The following CDH8 variants were observed in gnomAD, a reference collection of about 807,000 sequenced individuals.
The protein encoded by CDH8 is cadherin-8.
Under a neutral mutation model 68.1 loss-of-function variants are expected in CDH8, and 17 were observed. That is an observed-to-expected ratio of 0.25 (90% CI 0.17 to 0.37). The LOEUF (loss-of-function observed/expected upper bound fraction) is 0.37, where lower values mean the gene tolerates loss of function less well. CDH8 is among the 10% of genes least tolerant of loss of function. The pLI is 1.00. For synonymous variants in CDH8, 372 were observed against 365.1 expected, an observed-to-expected ratio of 1.02 and a Z score of -0.21; for missense variants, 763 against 999.3, an observed-to-expected ratio of 0.76 and a Z score of 3.19.
chr16:61,749,588 G>A (rs1056230788), intron 8 of CDH8, among the ~76,000 whole-genome samples: 1 of 152,020 alleles, frequency 6.6e-6, no homozygotes, highest in African/African-American at 2.4e-5. Context: ...AACAGCACCT[G>A]TTATCCTAAA....
chr16:61,790,257 T>G (rs963533107), intron 7 of CDH8, among the ~76,000 whole-genome samples: 13 of 152,052 alleles, frequency 8.5e-5, no homozygotes, highest in Non-Finnish European at 1.5e-4. Context: ...AAACTGCTTC[T>G]CAGGACCACT....
Position 61,652,173 on chromosome 16 carries a change from G to T in CDH8, c.*1435C>A. 1.0e-6 allele frequency: 1 copy of T among 981,796 alleles called. No homozygotes were observed. The highest frequency in any genetic ancestry group is 1.2e-6 in the Non-Finnish European group (1 of 826,736). 60.8% of individuals were successfully genotyped at this position (981,796 alleles called of 1,614,324 possible). On this transcript the variant is annotated 3_prime_UTR_variant, in exon 12 of 12. Coordinates refer to ENST00000577390, the MANE Select transcript of CDH8 (RefSeq NM_001796.5). ...ATCATACATTTTCTACTCCTAAATG[G>T]CAGGTTTGCATTACAAATTAAATAT...
chr16:61,771,392 C>A (rs1453053719), intron 8 of CDH8, among the ~76,000 whole-genome samples: 2 of 143,656 alleles, frequency 1.4e-5, no homozygotes, highest in African/African-American at 5.2e-5. Flanking sequence ...TCCAGAGATA[C>A]TCAAATATGA....
intron 4 of CDH8, among the ~76,000 whole-genome samples, chr16:61,845,263 A>G (rs1322493542): frequency 6.6e-6 from 1 of 152,164 alleles, no homozygotes; most frequent in African/African-American, 2.4e-5. Context: ...ATTTATTATT[A>G]TCTTCATTTA....
In CDH8 at chr16:61,899,831, GACACACAC is replaced by G. The variant is rs35171683; in HGVS notation, c.547+1340_547+1347del. ...TAATTTCCATCAGGAATGTTATAAA[GACACACAC>G]ACACACACACACACACACACACACA... On this transcript the variant is annotated intron_variant, in intron 3 of 11. Coordinates refer to ENST00000577390, the MANE Select transcript of CDH8 (RefSeq NM_001796.5). 8.0e-3 allele frequency among the ~76,000 whole-genome samples: 1,180 copies of G among 147,330 alleles called. 11 individuals are homozygous for G. The highest frequency in any genetic ancestry group is 0.016 in the African/African-American group (652 of 39,986).
intron 10 of CDH8, among the ~76,000 whole-genome samples, chr16:61,663,203 C>G (rs376172710): frequency 6.6e-6 from 1 of 151,938 alleles, no homozygotes; most frequent in African/African-American, 2.4e-5. Context: ...TTTTCAAGTA[C>G]GTAGACTTGC....
intron 1 of CDH8, among the ~76,000 whole-genome samples, chr16:62,028,792 C>A (rs1305984527): frequency 6.6e-6 from 1 of 151,602 alleles, no homozygotes; most frequent in Non-Finnish European, 1.5e-5. Flanking sequence ...GTTACAGACA[C>A]AGTGGTGGCC....
At chr16:61,735,918 C>T (rs867284751) in intron 8 of CDH8, among the ~76,000 whole-genome samples, 4 of 151,708 alleles carry the variant, frequency 2.6e-5, no homozygotes, top group Admixed American at 1.3e-4. Context: ...ACTAAAAATA[C>T]AAAAATTAGC....
chr16:61,888,397 G>A (rs1963715404), intron 3 of CDH8, among the ~76,000 whole-genome samples: 2 of 152,126 alleles, frequency 1.3e-5, no homozygotes, highest in South Asian at 4.1e-4. Context: ...ATCCCCAGAA[G>A]CAGAAGCAAC....
intron 4 of CDH8, among the ~76,000 whole-genome samples, chr16:61,850,690 A>C (rs1381043837): frequency 1.3e-5 from 2 of 152,050 alleles, no homozygotes; most frequent in East Asian, 3.9e-4. Context: ...TGATTTCCTC[A>C]TGCCAAAAGA....
Position 61,651,986 on chromosome 16 carries a change from G to T in CDH8, c.*1622C>A. The T allele has an allele frequency of 1.5e-6, 1 of 684,522 alleles. No homozygotes were observed. The highest frequency in any genetic ancestry group is 1.8e-6 in the Non-Finnish European group (1 of 556,802). The allele number at this position is 684,522 out of a possible 1,614,324, so 42.4% of individuals were successfully genotyped here. On this transcript the variant is annotated 3_prime_UTR_variant, in exon 12 of 12. Transcript: ENST00000577390. ...TCTGTTAATAGATCTTCCACTGATT[G>T]AAAAAAAAATTAATGACAACAAAGG...
At chr16:61,788,965 G>C (rs1390839903) in intron 8 of CDH8, among the ~76,000 whole-genome samples, 1 of 151,908 alleles carries the variant, frequency 6.6e-6, no homozygotes, top group Non-Finnish European at 1.5e-5. Flanking sequence ...TTAAATATGT[G>C]TTTCTATATT....
At chr16:61,930,995 C>G (rs561818210) in intron 2 of CDH8, among the ~76,000 whole-genome samples, 1 of 152,270 alleles carries the variant, frequency 6.6e-6, no homozygotes, top group East Asian at 1.9e-4. Flanking sequence ...GCTCATTTAG[C>G]CACATTATCA....
At chr16:61,694,311 T>A (rs1217218846) in intron 10 of CDH8, among the ~76,000 whole-genome samples, 3 of 152,192 alleles carry the variant, frequency 2.0e-5, no homozygotes, top group African/African-American at 7.2e-5. Context: ...TACTCTGTAG[T>A]GAGTTCTATT....
intron 2 of CDH8, among the ~76,000 whole-genome samples, chr16:62,007,090 T>TAG (rs936145332): frequency 6.6e-6 from 1 of 152,044 alleles, no homozygotes; most frequent in African/African-American, 2.4e-5. Context: ...GTATTTTTAG[T>TAG]AGAGATGGGG....
At chr16:61,888,178 C>T (rs1466062286) in intron 3 of CDH8, among the ~76,000 whole-genome samples, 12 of 152,148 alleles carry the variant, frequency 7.9e-5, no homozygotes, top group Non-Finnish European at 1.5e-5. Flanking sequence ...AGGATTTGCA[C>T]CTTCAGGTTC....
intron 10 of CDH8, among the ~76,000 whole-genome samples, chr16:61,684,433 A>T (rs1964069388): frequency 6.6e-6 from 1 of 152,056 alleles, no homozygotes; most frequent in South Asian, 2.1e-4. Flanking sequence ...AGCAAGAAAA[A>T]ATCCAGATAG....
At chr16:61,915,060 T>A (rs975633040) in intron 2 of CDH8, among the ~76,000 whole-genome samples, 1 of 152,232 alleles carries the variant, frequency 6.6e-6, no homozygotes, top group Non-Finnish European at 1.5e-5. Flanking sequence ...ATGAAGTAGC[T>A]AGTGACTTTG....
intron 2 of CDH8, among the ~76,000 whole-genome samples, chr16:61,950,610 A>G (rs1964878626): frequency 6.6e-6 from 1 of 152,200 alleles, no homozygotes; most frequent in African/African-American, 2.4e-5. Context: ...GAATAACAAA[A>G]TATCTACTTC....
Sources: gnomAD v4.1 joint callset for allele counts (sites outside exome capture counted in the v4.1 genomes callset) on GRCh38, gnomAD v4.1.1 for gene constraint, MANE v1.5 for transcripts, NCBI Gene and HGNC (gene_info 2026-07-23, HGNC 2026-07-21) for gene names.